Variants in ERH observed in about 807,000 individuals in gnomAD.
ERH encodes the protein enhancer of rudimentary homolog.
Under a neutral mutation model 16.8 loss-of-function variants are expected in ERH, and 1 was observed. The ratio of observed to expected loss-of-function variants is 0.06; its 90% CI spans 0.02 to 0.28. The LOEUF is 0.28. Among genes scored for constraint, ERH ranks in the 10% least tolerant of loss-of-function variants. ERH has a pLI of 1.00. For synonymous variants in ERH, 43 were observed against 43.6 expected (o/e 0.99, Z 0.05); for missense variants, 42 against 127.5 (o/e 0.33, Z 3.23).
At chr14:69,394,124 C>G (rs149492231) in intron 2 of ERH, among the ~76,000 whole-genome samples, 102 of 151,460 alleles carry the variant, frequency 6.7e-4, no homozygotes, top group Middle Eastern at 6.9e-3. Context: ...CTATTAAAAA[C>G]AGACAGACAC....
chr14:69,382,958 T>C (rs1465976206), intron 3 of ERH, among the ~76,000 whole-genome samples: 1 of 152,198 alleles, frequency 6.6e-6, no homozygotes, highest in Non-Finnish European at 1.5e-5. Context: ...TCAATGAATG[T>C]AGGTTTATAT....
At chr14:69,394,987 T>C in intron 1 of ERH, 75 bp from the exon 2 acceptor site, 1 of 1,039,006 alleles carries the variant, frequency 9.6e-7, no homozygotes, top group Admixed American at 2.0e-5. Flanking sequence ...AAATCCCCAT[T>C]TGTAATGCAA....
rs1444075371 is a variant in ERH, at chr14:69,380,657, A to C, written c.213-17T>G. ...GCTCGGTAACTGAGGAGAGAAAGGG[A>C]ATAAGCAAAGTCACAGTGGTCAATC... On this transcript the variant is annotated splice_polypyrimidine_tract_variant and intron_variant, in intron 3 of 3. Coordinates refer to ENST00000557016, the MANE Select transcript of ERH (RefSeq NM_004450.3). The C allele has an allele frequency of 1.3e-6, 2 of 1,490,354 alleles. No individual in the cohort carries two copies. Among genetic ancestry groups the C allele is most frequent in the African/African-American group, 2.8e-5 (2 of 72,548 alleles). 92.3% of individuals were successfully genotyped at this position (1,490,354 alleles called of 1,614,324 possible). A position where few individuals can be genotyped will look rare whatever the true frequency, so the allele number is the denominator to read the frequency against.
chr14:69,388,000 C>G (rs28401542), intron 2 of ERH, among the ~76,000 whole-genome samples: 1 of 151,950 alleles, frequency 6.6e-6, no homozygotes, highest in Non-Finnish European at 1.5e-5. Flanking sequence ...GAGCCGAGAT[C>G]GGCCACTGCA....
Position 69,394,179 on chromosome 14 carries a change from C to T in ERH, c.91+646G>A, listed in dbSNP as rs376278325. 3.7e-4 allele frequency among the ~76,000 whole-genome samples: 57 copies of T among 152,014 alleles called. 3 individuals are homozygous for T. The highest frequency in any genetic ancestry group is 2.5e-3 in the East Asian group (13 of 5,186). The stretch of plus-strand genomic sequence containing the variant: ...GCTTAACCAGAATATATAAGGGATA[C>T]CTGTAAAATATTTCCATACTGTAAC... On this transcript the variant is annotated intron_variant, in intron 2 of 3. Coordinates refer to ENST00000557016, the MANE Select transcript of ERH (RefSeq NM_004450.3).
chr14:69,389,687 G>A lies in ERH; in HGVS notation c.92-2604C>T, dbSNP rs116368789. On this transcript the variant is annotated intron_variant, in intron 2 of 3. Transcript: ENST00000557016. ...TTAAGAAAACTCCATTTATAACAGC[G>A]TAAAAAAGAATAAAATTCTTAGAAA... Among the ~76,000 whole-genome samples, 840 of 152,160 alleles carry A rather than the reference G, an allele frequency of 5.5e-3. 6 individuals carry two copies. Among genetic ancestry groups the A allele is most frequent in the African/African-American group, 0.019 (796 of 41,506 alleles).
intron 3 of ERH, 146 bp downstream of exon 3, chr14:69,386,817 G>A (rs957491241): frequency 9.4e-6 from 6 of 638,484 alleles, no homozygotes; most frequent in South Asian, 4.0e-5. Context: ...TCTTATTTCT[G>A]TAAGAGAAAT....
At chr14:69,380,746 C>T (rs1594885279) in intron 3 of ERH, 106 bp from the exon 4 acceptor site, 1 of 615,252 alleles carries the variant, frequency 1.6e-6, no homozygotes, top group East Asian at 2.9e-5. Context: ...TGCACATTTC[C>T]AAAAATGAAC....
chr14:69,393,802 G>A (rs1882272821), intron 2 of ERH, among the ~76,000 whole-genome samples: 1 of 152,164 alleles, frequency 6.6e-6, no homozygotes, highest in Non-Finnish European at 1.5e-5. Flanking sequence ...CAGGAGAACT[G>A]CCTGAGGCTA....
At chr14:69,385,100 A>C (rs138536501) in intron 3 of ERH, among the ~76,000 whole-genome samples, 1 of 152,282 alleles carries the variant, frequency 6.6e-6, no homozygotes, top group East Asian at 1.9e-4. Flanking sequence ...CTACACCCCC[A>C]ATTAAAGCTC....
In ERH at chr14:69,380,374, T is replaced by A; in HGVS notation, c.*164A>T. 4.6e-6 allele frequency: 2 copies of A among 433,914 alleles called. No individual in the cohort carries two copies. Among genetic ancestry groups the A allele is most frequent in the Non-Finnish European group, 8.2e-6 (2 of 244,380 alleles). The allele number at this position is 433,914 out of a possible 1,614,324, so 26.9% of individuals were successfully genotyped here. On this transcript the variant is annotated 3_prime_UTR_variant, in exon 4 of 4. Transcript: ENST00000557016. ...AAAGAAAAAGAGGAGGTAACGGGGG[T>A]TTCCGATTGAACAAGATCCTCACAT...
intron 1 of ERH, among the ~76,000 whole-genome samples, chr14:69,396,601 T>C (rs532742534): frequency 6.6e-6 from 1 of 152,310 alleles, no homozygotes; most frequent in East Asian, 1.9e-4. Flanking sequence ...GGAACAGAAA[T>C]AGCTGAAGCC....
At chr14:69,387,203 G>C (rs550660396) in intron 2 of ERH, 120 bp from the exon 3 acceptor site, 2 of 738,866 alleles carry the variant, frequency 2.7e-6, no homozygotes, top group Non-Finnish European at 4.2e-6. Context: ...GTTGGGCTGG[G>C]GAAAAGATGA....
At chr14:69,392,564 G>A (rs765288807) in intron 2 of ERH, among the ~76,000 whole-genome samples, 2 of 152,196 alleles carry the variant, frequency 1.3e-5, no homozygotes, top group Non-Finnish European at 2.9e-5. Context: ...AATGTTTAGG[G>A]CAGGGCAGTG....
intron 1 of ERH, among the ~76,000 whole-genome samples, chr14:69,397,452 G>GA (rs201254745): frequency 0.053 from 6,755 of 127,348 alleles, 191 homozygotes; most frequent in East Asian, 0.1. Context: ...TCAAAAACAG[G>GA]AAAAAAAAAA....
chr14:69,394,341 A>T (rs1882286068), intron 2 of ERH, among the ~76,000 whole-genome samples: 1 of 152,168 alleles, frequency 6.6e-6, no homozygotes, highest in African/African-American at 2.4e-5. Context: ...ATACATAATT[A>T]ATGTTTAAAA....
intron 1 of ERH, among the ~76,000 whole-genome samples, chr14:69,397,426 G>C (rs1882371637): frequency 6.8e-6 from 1 of 147,154 alleles, no homozygotes; most frequent in African/African-American, 2.5e-5. Flanking sequence ...CGCGCCACAC[G>C]CAATACCTAG....
chr14:69,386,142 G>A (rs773915272), intron 3 of ERH, among the ~76,000 whole-genome samples: 33 of 152,192 alleles, frequency 2.2e-4, no homozygotes, highest in Admixed American at 1.8e-3. Context: ...AAGAGGTACA[G>A]AAAACAAAAC....
chr14:69,385,565 T>A (rs1294058322), intron 3 of ERH, among the ~76,000 whole-genome samples: 1 of 151,042 alleles, frequency 6.6e-6, no homozygotes, highest in African/African-American at 2.4e-5. Context: ...CCATTACTTT[T>A]CCCACTTAAA....
Sources: gnomAD v4.1 joint callset for allele counts (sites outside exome capture counted in the v4.1 genomes callset) on GRCh38, gnomAD v4.1.1 for gene constraint, MANE v1.5 for transcripts, NCBI Gene and HGNC (gene_info 2026-07-23, HGNC 2026-07-21) for gene names.